Variants in KIAA0040 observed in about 807,000 individuals in gnomAD.
The protein encoded by KIAA0040 is uncharacterized protein KIAA0040.
In KIAA0040, 10 loss-of-function variants were observed where a neutral mutation model predicts 7.2. That is an observed-to-expected ratio of 1.38 (90% CI 0.85 to 2.34). The LOEUF is 2.34. Among genes scored for constraint, KIAA0040 ranks in the 30% most tolerant of loss-of-function variants. The pLI, the probability that KIAA0040 is intolerant of heterozygous loss-of-function variation, is 0.00. For missense variants in KIAA0040, 89 were observed against 108.2 expected (o/e 0.82, Z 0.79); for synonymous variants, 49 against 40.1 (o/e 1.22, Z -0.84).
chr1:175,172,030 A>C (rs1360071433), intron 2 of KIAA0040, among the ~76,000 whole-genome samples: 1 of 152,070 alleles, frequency 6.6e-6, no homozygotes, highest in Non-Finnish European at 1.5e-5. Context: ...ACTTTCTTTG[A>C]TTTTCTATTA....
rs1300633398 is a variant in KIAA0040, at chr1:175,157,525, C to T, written c.*3189G>A. On this transcript the variant is annotated 3_prime_UTR_variant, in exon 4 of 4. Coordinates refer to ENST00000423313, the MANE Select transcript of KIAA0040 (RefSeq NM_014656.3). ...TGTTAAGAGAGTAACCATCTGACTA[C>T]ATCAAGACTTTTCATTTTCAAAGTA... 1 of 152,178 alleles carries T rather than the reference C, an allele frequency of 6.6e-6. No individual in the cohort carries two copies. The highest frequency in any genetic ancestry group is 1.5e-5 in the Non-Finnish European group (1 of 68,042). The allele number at this position is 152,178 out of a possible 1,614,324, so 9.4% of individuals were successfully genotyped here.
chr1:175,160,455 C>T lies in KIAA0040; in HGVS notation c.*259G>A. The T allele has an allele frequency of 2.2e-6, 1 of 457,986 alleles. No homozygotes were observed. 28.4% of individuals were successfully genotyped at this position (457,986 alleles called of 1,614,324 possible). ...CTTTGCATGTGGGGTATGCCAGAGA[C>T]AGGTGGGAGGCATGCCTGGGTCTGC... On this transcript the variant is annotated 3_prime_UTR_variant, in exon 4 of 4. Transcript: ENST00000423313.
At chr1:175,163,402 A>C (rs375819293) in intron 3 of KIAA0040, among the ~76,000 whole-genome samples, 9 of 152,350 alleles carry the variant, frequency 5.9e-5, no homozygotes, top group African/African-American at 1.9e-4. Flanking sequence ...TAAACTCAAC[A>C]TGCAACAAAG....
chr1:175,167,768 T>G (rs113824731), intron 2 of KIAA0040, among the ~76,000 whole-genome samples: 299 of 152,152 alleles, frequency 2.0e-3, no homozygotes, highest in Non-Finnish European at 3.2e-3. Context: ...CCAGCAGATA[T>G]GGGTGGGAGA....
intron 2 of KIAA0040, among the ~76,000 whole-genome samples, chr1:175,167,536 C>T (rs1188365633): frequency 6.6e-6 from 1 of 152,144 alleles, no homozygotes; most frequent in African/African-American, 2.4e-5. Flanking sequence ...CCTTGTAAGC[C>T]ACGTGGAGGG....
intron 1 of KIAA0040, among the ~76,000 whole-genome samples, chr1:175,186,805 T>G (rs1677677002): frequency 6.6e-6 from 1 of 152,202 alleles, no homozygotes; most frequent in South Asian, 2.1e-4. Context: ...GAGTTTCTAA[T>G]TTGGAAACTA....
chr1:175,179,096 AG>A (rs1286306892), intron 1 of KIAA0040, among the ~76,000 whole-genome samples: 2 of 152,084 alleles, frequency 1.3e-5, no homozygotes, highest in Non-Finnish European at 2.9e-5. Context: ...AGGTTGGAAA[AG>A]CCAGAGCAGA....
intron 3 of KIAA0040, among the ~76,000 whole-genome samples, chr1:175,162,572 C>T (rs750552976): frequency 1.1e-4 from 17 of 152,292 alleles, no homozygotes; most frequent in South Asian, 6.2e-4. Context: ...GCTGTGTCTA[C>T]GGATGGGAAC....
intron 1 of KIAA0040, among the ~76,000 whole-genome samples, chr1:175,182,263 T>A (rs1677470341): frequency 6.6e-6 from 1 of 152,182 alleles, no homozygotes; most frequent in Non-Finnish European, 1.5e-5. Flanking sequence ...GAGTGTATAG[T>A]GAATTTTCTG....
intron 2 of KIAA0040, among the ~76,000 whole-genome samples, chr1:175,176,237 T>C (rs1396095555): frequency 6.6e-6 from 1 of 152,216 alleles, no homozygotes; most frequent in African/African-American, 2.4e-5. Context: ...GATACAGATA[T>C]GGTTCTATTT....
chr1:175,164,637 G>T (rs1017435526), intron 3 of KIAA0040, among the ~76,000 whole-genome samples: 3 of 152,134 alleles, frequency 2.0e-5, no homozygotes, highest in Admixed American at 6.5e-5. Context: ...CTTATTTGAG[G>T]CTGCTCCCCA....
At chr1:175,178,595 G>A (rs1336135446) in intron 1 of KIAA0040, among the ~76,000 whole-genome samples, 1 of 152,192 alleles carries the variant, frequency 6.6e-6, no homozygotes, top group East Asian at 1.9e-4. Context: ...AGTGCTGGAG[G>A]GGAAAAAGAA....
chr1:175,173,833 A>C (rs1270996228), intron 2 of KIAA0040, among the ~76,000 whole-genome samples: 1 of 152,208 alleles, frequency 6.6e-6, no homozygotes, highest in African/African-American at 2.4e-5. Context: ...TGGGGCCCCA[A>C]GGCATGAAAC....
intron 2 of KIAA0040, among the ~76,000 whole-genome samples, chr1:175,170,852 T>C (rs1485416241): frequency 6.6e-6 from 1 of 151,426 alleles, no homozygotes; most frequent in Non-Finnish European, 1.5e-5. Context: ...TGCTCACGCC[T>C]CATGGCTTCC....
intron 1 of KIAA0040, among the ~76,000 whole-genome samples, chr1:175,188,708 G>A (rs916704696): frequency 2.6e-5 from 4 of 152,196 alleles, no homozygotes; most frequent in African/African-American, 9.7e-5. Flanking sequence ...GGGAACTCCT[G>A]AGAAAACTTT....
chr1:175,185,346 T>C (rs1317096750), intron 1 of KIAA0040, among the ~76,000 whole-genome samples: 5 of 152,216 alleles, frequency 3.3e-5, no homozygotes, highest in Non-Finnish European at 7.3e-5. Flanking sequence ...CCAGCACAGA[T>C]AGAGCACCAT....
upstream of KIAA0040, chr1:175,192,864 C>T (rs967591472): frequency 6.6e-6 from 1 of 150,978 alleles, no homozygotes; most frequent in Non-Finnish European, 1.5e-5. Flanking sequence ...GCGTACCTGC[C>T]GCTGCCGCCG....
At chr1:175,171,408 G>T (rs1676987489) in intron 2 of KIAA0040, among the ~76,000 whole-genome samples, 2 of 152,200 alleles carry the variant, frequency 1.3e-5, no homozygotes, top group Non-Finnish European at 2.9e-5. Context: ...GTAGCTGAAT[G>T]AATGAATGAA....
intron 1 of KIAA0040, among the ~76,000 whole-genome samples, chr1:175,181,541 A>C (rs1364362209): frequency 6.6e-6 from 1 of 152,236 alleles, no homozygotes; most frequent in Non-Finnish European, 1.5e-5. Context: ...CTATCTGGGT[A>C]AGGAAATCAA....
Sources: allele counts gnomAD v4.1 joint callset (sites outside exome capture counted in the v4.1 genomes callset), GRCh38; gene constraint gnomAD v4.1.1; transcripts MANE v1.5; gene names NCBI Gene and HGNC (gene_info 2026-07-23, HGNC 2026-07-21).